ARHGAP6: variants seen among roughly 807,000 people sequenced by gnomAD.
ARHGAP6 encodes the protein rho GTPase-activating protein 6.
In ARHGAP6, 16 loss-of-function variants were observed where a neutral mutation model predicts 55.7. The observed-to-expected ratio is 0.29, with a 90% CI of 0.19 to 0.44. ARHGAP6 has a LOEUF of 0.44. Ranked by LOEUF, ARHGAP6 falls within the 20% of genes least tolerant of loss-of-function variation. The pLI is 1.00. For missense variants in ARHGAP6, 698 were observed against 808.9 expected, an observed-to-expected ratio of 0.86 and a Z score of 1.66; for synonymous variants, 382 against 360.9, an observed-to-expected ratio of 1.06 and a Z score of -0.66.
intron 1 of ARHGAP6, among the ~76,000 whole-genome samples, chrX:11,475,439 G>A (rs1310650322): frequency 1.8e-5 from 2 of 110,146 alleles, no homozygotes; most frequent in Admixed American, 2.0e-4. Flanking sequence ...ACCTCCAGCA[G>A]CATATCTTGA....
rs972342397 is a variant in ARHGAP6, at chrX:11,389,083, T to C, written c.589-134376A>G. ...TTGGCAATATTTCAGACATTTTTTATTGTCATGATTGGCAGCTTGTTATTG... is the reference window on the plus strand; with the variant it reads ...TTGGCAATATTTCAGACATTTTTTACTGTCATGATTGGCAGCTTGTTATTG... On this transcript the variant is annotated intron_variant, in intron 1 of 12. Transcript: ENST00000337414. 3.6e-5 allele frequency among the ~76,000 whole-genome samples: 4 copies of C among 111,820 alleles called. No individual in the cohort carries two copies. In the Admixed American group the frequency reaches 3.8e-4, roughly 11 times the overall value.
At chrX:11,555,314 C>T (rs932098256) in intron 1 of ARHGAP6, among the ~76,000 whole-genome samples, 1 of 111,450 alleles carries the variant, frequency 9.0e-6, no homozygotes, top group Non-Finnish European at 1.9e-5. Flanking sequence ...GCCACAAATA[C>T]ACAAATAATG....
At chrX:11,447,941 G>A (rs140872103) in intron 1 of ARHGAP6, among the ~76,000 whole-genome samples, 17 of 112,008 alleles carry the variant, frequency 1.5e-4, no homozygotes, top group African/African-American at 4.9e-4. Flanking sequence ...ATAATAACCC[G>A]TTCTATAGAA....
chrX:11,148,431 G>C (rs2045727464), intron 10 of ARHGAP6, among the ~76,000 whole-genome samples: 1 of 111,223 alleles, frequency 9.0e-6, no homozygotes, highest in Non-Finnish European at 1.9e-5. Flanking sequence ...GTGCCTGGTG[G>C]CTTCTCTTTC....
At chrX:11,577,081 C>A (rs151203526) in intron 1 of ARHGAP6, among the ~76,000 whole-genome samples, 105 of 112,256 alleles carry the variant, frequency 9.4e-4, no homozygotes, top group African/African-American at 3.3e-3. Flanking sequence ...TTACAATGGG[C>A]ACACCCAAAT....
At chrX:11,613,058 C>A (rs1005323742) in intron 1 of ARHGAP6, among the ~76,000 whole-genome samples, 3 of 112,650 alleles carry the variant, frequency 2.7e-5, no homozygotes, top group Non-Finnish European at 1.9e-5. Flanking sequence ...GCTTCAGAAG[C>A]CAACAATATG....
intron 1 of ARHGAP6, among the ~76,000 whole-genome samples, chrX:11,387,599 A>T (rs1249007169): frequency 8.9e-6 from 1 of 111,878 alleles, no homozygotes; most frequent in Non-Finnish European, 1.9e-5. Context: ...CATGTGCGCA[A>T]CGTGCAAGTT....
At chrX:11,174,514 TTTCTTTCCTTCC>T (rs1465290099) in intron 8 of ARHGAP6, among the ~76,000 whole-genome samples, 270 of 86,831 alleles carry the variant, frequency 3.1e-3, no homozygotes, top group African/African-American at 0.012. Context: ...CCATTCTTTC[TTTCTTTCCTTCC>T]TTCCTTCCTT....
chrX:11,241,817 T>C (rs2047286641), intron 2 of ARHGAP6, among the ~76,000 whole-genome samples: 1 of 111,590 alleles, frequency 9.0e-6, no homozygotes, highest in African/African-American at 3.3e-5. Context: ...CCAAAATCTC[T>C]TTCCAAAGTG....
intron 1 of ARHGAP6, among the ~76,000 whole-genome samples, chrX:11,552,595 T>C (rs867758362): frequency 1.3e-3 from 88 of 66,065 alleles, no homozygotes; most frequent in African/African-American, 3.9e-3. Context: ...TATATATATA[T>C]ATATAGACAC....
intron 1 of ARHGAP6, among the ~76,000 whole-genome samples, chrX:11,430,999 T>A (rs2049935895): frequency 8.9e-6 from 1 of 112,222 alleles, no homozygotes; most frequent in Admixed American, 9.4e-5. Context: ...TATATTGACA[T>A]GGCATGTGGT....
chrX:11,179,189 T>C, intron 7 of ARHGAP6, 113 bp downstream of exon 7: 3 of 767,872 alleles, frequency 3.9e-6, no homozygotes, highest in Non-Finnish European at 5.4e-6. Flanking sequence ...TCTTTAGAGA[T>C]TGATAAATAA....
chrX:11,372,835 G>T (rs2049160447), intron 1 of ARHGAP6, among the ~76,000 whole-genome samples: 1 of 105,625 alleles, frequency 9.5e-6, no homozygotes. Flanking sequence ...ACTTAATTGG[G>T]ACAATGATTT....
intron 8 of ARHGAP6, among the ~76,000 whole-genome samples, chrX:11,175,234 A>G: frequency 9.0e-6 from 1 of 111,700 alleles, no homozygotes; most frequent in South Asian, 3.8e-4. Flanking sequence ...CTCCCTCAGT[A>G]CTTCACTGCT....
intron 1 of ARHGAP6, among the ~76,000 whole-genome samples, chrX:11,324,205 G>A (rs908683020): frequency 8.9e-6 from 1 of 112,000 alleles, no homozygotes; most frequent in African/African-American, 3.2e-5. Context: ...TTTCTTCAAA[G>A]AATTGTAACA....
chrX:11,609,522 T>C (rs2052077480), intron 1 of ARHGAP6, among the ~76,000 whole-genome samples: 1 of 111,473 alleles, frequency 9.0e-6, no homozygotes, highest in African/African-American at 3.3e-5. Flanking sequence ...TAAAGCAAGC[T>C]CCTGGGATGC....
At chrX:11,479,830 C>A (rs776317225) in intron 1 of ARHGAP6, among the ~76,000 whole-genome samples, 4 of 110,840 alleles carry the variant, frequency 3.6e-5, no homozygotes, top group South Asian at 3.9e-4. Flanking sequence ...CACTGGGGGT[C>A]GGGGGTATAC....
chrX:11,569,365 G>T (rs959093971), intron 1 of ARHGAP6, among the ~76,000 whole-genome samples: 2 of 111,569 alleles, frequency 1.8e-5, no homozygotes, highest in Non-Finnish European at 3.8e-5. Flanking sequence ...ATGCTAAAAG[G>T]TTAACATGGA....
Position 11,141,693 on chromosome X carries a change from C to T in ARHGAP6, c.2257+540G>A, listed in dbSNP as rs141104853. On this transcript the variant is annotated intron_variant, in intron 12 of 12. Coordinates refer to ENST00000337414, the MANE Select transcript of ARHGAP6 (RefSeq NM_013427.3). ...TTTACAGAATGTAAGGTAGTGGGTC[C>T]CATACAGCACAGGAGGTGACTGTAC... 9.2e-3 allele frequency among the ~76,000 whole-genome samples: 1,034 copies of T among 112,427 alleles called. 11 individuals carry two copies. The highest frequency in any genetic ancestry group is 0.032 in the African/African-American group (983 of 30,943).
Sources: allele counts gnomAD v4.1 joint callset (sites outside exome capture counted in the v4.1 genomes callset), GRCh38; gene constraint gnomAD v4.1.1; transcripts MANE v1.5; gene names NCBI Gene and HGNC (gene_info 2026-07-23, HGNC 2026-07-21).